The following PRDM6 variants were observed in gnomAD, a reference collection of about 807,000 sequenced individuals.
The protein encoded by PRDM6 is putative histone-lysine N-methyltransferase PRDM6.
A neutral mutation model predicts 60.8 loss-of-function variants in PRDM6; 25 were observed. The ratio of observed to expected loss-of-function variants is 0.41; its 90% confidence interval spans 0.30 to 0.57. The LOEUF (loss-of-function observed/expected upper bound fraction) is 0.57, where lower values mean the gene tolerates loss of function less well. PRDM6 is among the 20% of genes least tolerant of loss of function. The pLI is 0.27. For missense variants in PRDM6, 839 were observed against 821.3 expected (o/e 1.02, Z -0.26); for synonymous variants, 407 against 357.4 (o/e 1.14, Z -1.57).
intron 3 of PRDM6, among the ~76,000 whole-genome samples, chr5:123,141,563 A>G (rs998559539): frequency 6.6e-6 from 1 of 152,054 alleles, no homozygotes; most frequent in Non-Finnish European, 1.5e-5. Flanking sequence ...CTCTTCTTAT[A>G]CACAAGAATG....
chr5:123,138,836 G>T (rs563985334), intron 3 of PRDM6, among the ~76,000 whole-genome samples: 5 of 152,172 alleles, frequency 3.3e-5, no homozygotes, highest in Non-Finnish European at 7.4e-5. Flanking sequence ...CCTTAGCCTT[G>T]TTAAGCACCA....
At chr5:123,165,012 C>A (rs1461655753) in intron 5 of PRDM6, among the ~76,000 whole-genome samples, 1 of 152,192 alleles carries the variant, frequency 6.6e-6, no homozygotes, top group Non-Finnish European at 1.5e-5. Flanking sequence ...AAACTCCTCC[C>A]TCAGCTCAGT....
rs762261745 is a variant in PRDM6, at chr5:123,099,971, C to A, written c.900+10C>A. On this transcript the variant is annotated intron_variant, in intron 3 of 7. Transcript: ENST00000407847. The surrounding 1 kb of genome is among the most constrained non-coding windows in gnomAD (Gnocchi z 4.0). ...GCAGCATCTCTGGGAGGTAAGTGGCCGGCTGCACAGCGCCTCCCCACCGAG... is the reference window on the plus strand; with the variant it reads ...GCAGCATCTCTGGGAGGTAAGTGGCAGGCTGCACAGCGCCTCCCCACCGAG... 6.7e-7 allele frequency: 1 copy of A among 1,493,854 alleles called. No homozygotes were observed. The highest frequency in any genetic ancestry group is 9.0e-7 in the Non-Finnish European group (1 of 1,114,050). The allele number at this position is 1,493,854 out of a possible 1,614,324, so 92.5% of individuals were successfully genotyped here. A position where few individuals can be genotyped will look rare whatever the true frequency, so the allele number is the denominator to read the frequency against.
intron 2 of PRDM6, among the ~76,000 whole-genome samples, chr5:123,093,271 C>T (rs573530030): frequency 2.0e-5 from 3 of 152,198 alleles, no homozygotes; most frequent in African/African-American, 4.8e-5. Context: ...GGGCGGGATG[C>T]GGGGGTGCCT....
intron 3 of PRDM6, among the ~76,000 whole-genome samples, chr5:123,108,770 A>T (rs1376501490): frequency 6.6e-6 from 1 of 152,114 alleles, no homozygotes; most frequent in Non-Finnish European, 1.5e-5. Flanking sequence ...ACCATTGTTG[A>T]TGGTTTTCAT....
At position 123,189,623 on chromosome 5, in the gene PRDM6, C is replaced by T. The variant is rs181591761; in HGVS notation, c.*2422C>T. The T allele has an allele frequency of 7.9e-5, 12 of 152,326 alleles. No individual in the cohort carries two copies. The highest frequency in any genetic ancestry group is 2.6e-4 in the African/African-American group (11 of 41,572). 9.4% of individuals were successfully genotyped at this position (152,326 alleles called of 1,614,324 possible). ...TGCTCCATTTAAATCTATTTTTATCCTCTATTATTAAGAGAAATTGTTGGC... is the reference window on the plus strand; with the variant it reads ...TGCTCCATTTAAATCTATTTTTATCTTCTATTATTAAGAGAAATTGTTGGC... On this transcript the variant is annotated 3_prime_UTR_variant, in exon 8 of 8. Coordinates refer to ENST00000407847, the MANE Select transcript of PRDM6 (RefSeq NM_001136239.4).
rs548651551 is a variant in PRDM6 at position 123,164,729 on chromosome 5, A to G, written c.1153+5091A>G. 4.3e-4 allele frequency among the ~76,000 whole-genome samples: 66 copies of G among 152,248 alleles called. 1 individual carries two copies. The highest frequency in any genetic ancestry group is 1.4e-3 in the African/African-American group (57 of 41,544). Reference sequence around the variant, plus strand: ...GATTTGACTTTTTGCGTGCTGTAGGATATTGTGGTGTGCTGCCTCAAGCCC... The same window carrying G: ...GATTTGACTTTTTGCGTGCTGTAGGGTATTGTGGTGTGCTGCCTCAAGCCC... On this transcript the variant is annotated intron_variant, in intron 5 of 7. Coordinates refer to ENST00000407847, the MANE Select transcript of PRDM6 (RefSeq NM_001136239.4).
chr5:123,172,793 A>G (rs1455303147), intron 6 of PRDM6, among the ~76,000 whole-genome samples: 12 of 152,242 alleles, frequency 7.9e-5, no homozygotes, highest in Non-Finnish European at 1.5e-4. Context: ...AGCTTTGAAG[A>G]TGAGATGAGT....
chr5:123,145,610 T>C (rs1413543325), intron 3 of PRDM6, among the ~76,000 whole-genome samples: 1 of 152,124 alleles, frequency 6.6e-6, no homozygotes, highest in African/African-American at 2.4e-5. Flanking sequence ...GTCTGAGGGG[T>C]GGCTTCATCT....
chr5:123,111,416 C>T (rs1042572955), intron 3 of PRDM6, among the ~76,000 whole-genome samples: 2 of 152,144 alleles, frequency 1.3e-5, no homozygotes, highest in African/African-American at 2.4e-5. Context: ...AACAAAACGC[C>T]GGCAGGGCGC....
intron 3 of PRDM6, among the ~76,000 whole-genome samples, chr5:123,101,006 A>G (rs1368325680): frequency 6.6e-6 from 1 of 152,230 alleles, no homozygotes; most frequent in African/African-American, 2.4e-5. Flanking sequence ...GCCAGGGGTC[A>G]GGTTGACATG....
chr5:123,168,630 G>C (rs902944403), intron 5 of PRDM6, among the ~76,000 whole-genome samples: 1 of 152,210 alleles, frequency 6.6e-6, no homozygotes, highest in South Asian at 2.1e-4. Context: ...TTATAATGTA[G>C]TTTTTAAAGA....
chr5:123,128,029 C>T (rs182000801), intron 3 of PRDM6, among the ~76,000 whole-genome samples: 141 of 152,078 alleles, frequency 9.3e-4, no homozygotes, highest in African/African-American at 3.2e-3. Flanking sequence ...TTTGGTTTTC[C>T]GTCCTCGTGA....
chr5:123,167,392 CTT>C (rs34980495), intron 5 of PRDM6, among the ~76,000 whole-genome samples: 71 of 142,146 alleles, frequency 5.0e-4, no homozygotes, highest in African/African-American at 8.5e-4. Flanking sequence ...AATTAGGTTA[CTT>C]TTTTTTTTTT....
chr5:123,093,575 T>G (rs911914846), intron 2 of PRDM6, among the ~76,000 whole-genome samples: 4 of 152,238 alleles, frequency 2.6e-5, no homozygotes, highest in Admixed American at 2.6e-4. Context: ...GCTTTGCTGT[T>G]GCTGCTGCTG....
Position 123,138,524 on chromosome 5 carries a change from A to C in PRDM6, c.901-17360A>C, listed in dbSNP as rs187757829. On this transcript the variant is annotated intron_variant, in intron 3 of 7. Transcript: ENST00000407847. ...AGCAACTATATTTTTGAAACATTAT[A>C]ATTTGAATTTGCTTTATTCAAGTCA... Among the ~76,000 whole-genome samples, 73 of 152,370 alleles carry C rather than the reference A, an allele frequency of 4.8e-4. 1 individual carries two copies. Among genetic ancestry groups the C allele is most frequent in the African/African-American group, 1.7e-3 (72 of 41,594 alleles).
chr5:123,108,444 C>T (rs1764241651), intron 3 of PRDM6, among the ~76,000 whole-genome samples: 1 of 152,072 alleles, frequency 6.6e-6, no homozygotes. Context: ...TGGTAGATAG[C>T]TCCTAAACAA....
rs1256944419 is a variant in PRDM6 at position 123,187,765 on chromosome 5, A to C, written c.*564A>C. 1 of 152,704 alleles carries C rather than the reference A, an allele frequency of 6.5e-6. No homozygotes were observed. Among genetic ancestry groups the C allele is most frequent in the East Asian group, 1.9e-4 (1 of 5,210 alleles). 9.5% of individuals were successfully genotyped at this position (152,704 alleles called of 1,614,324 possible). On this transcript the variant is annotated 3_prime_UTR_variant, in exon 8 of 8. Coordinates refer to ENST00000407847, the MANE Select transcript of PRDM6 (RefSeq NM_001136239.4). ...GACGCATCCCATTTCCATGTCTTCC[A>C]TGCTCACTGCTCATGCACTTTTTAC...
chr5:123,106,045 G>T (rs1216127462), intron 3 of PRDM6, among the ~76,000 whole-genome samples: 2 of 152,200 alleles, frequency 1.3e-5, no homozygotes, highest in African/African-American at 4.8e-5. Flanking sequence ...ACTCTTCTTG[G>T]AGCCTGGTTG....
Sources: allele counts gnomAD v4.1 joint callset (sites outside exome capture counted in the v4.1 genomes callset), GRCh38; gene constraint gnomAD v4.1.1; non-coding constraint Gnocchi (gnomAD v3.1); transcripts MANE v1.5; gene names NCBI Gene and HGNC (gene_info 2026-07-23, HGNC 2026-07-21).